SLC35F1: variants seen among roughly 807,000 people sequenced by gnomAD.
SLC35F1 encodes chromosome 6 open reading frame 169.
In SLC35F1, 14 loss-of-function variants were observed where a neutral mutation model predicts 48.7. The observed-to-expected ratio is 0.29, with a 90% CI of 0.19 to 0.45. The LOEUF is 0.45. Among genes scored for constraint, SLC35F1 ranks in the 20% least tolerant of loss-of-function variants. The pLI is 1.00. For synonymous variants in SLC35F1, 190 were observed against 202.2 expected (o/e 0.94, Z 0.51); for missense variants, 404 against 500.0 (o/e 0.81, Z 1.83).
At chr6:118,191,189 G>A (rs1028505355) in intron 2 of SLC35F1, among the ~76,000 whole-genome samples, 2 of 152,026 alleles carry the variant, frequency 1.3e-5, no homozygotes, top group Admixed American at 1.3e-4. Context: ...CTGATTATGC[G>A]GCGACATATG....
chr6:117,959,925 A>G (rs118175565), intron 1 of SLC35F1, among the ~76,000 whole-genome samples: 117 of 152,258 alleles, frequency 7.7e-4, no homozygotes, highest in Non-Finnish European at 1.4e-3. Flanking sequence ...TGAAGTCATG[A>G]GAGATTTATT....
chr6:118,193,105 T>A lies in SLC35F1; in HGVS notation c.349+38485T>A, dbSNP rs2076729371. 1.3e-5 allele frequency among the ~76,000 whole-genome samples: 2 copies of A among 152,186 alleles called. 1 individual carries two copies. The highest frequency in any genetic ancestry group is 4.1e-4 in the South Asian group (2 of 4,832). On this transcript the variant is annotated intron_variant, in intron 2 of 7. Coordinates refer to ENST00000360388, the MANE Select transcript of SLC35F1 (RefSeq NM_001029858.4). ...TTTATTCGAAAGGTAAACAAAAATC[T>A]TTCATTATCTTTTAATATTACATGA...
intron 1 of SLC35F1, among the ~76,000 whole-genome samples, chr6:118,142,775 G>A (rs560365962): frequency 1.3e-5 from 2 of 152,234 alleles, no homozygotes; most frequent in African/African-American, 4.8e-5. Context: ...CAAAAGTGCT[G>A]AGATAAAATT....
chr6:118,305,469 A>T (rs567977130), intron 7 of SLC35F1, among the ~76,000 whole-genome samples: 1 of 152,120 alleles, frequency 6.6e-6, no homozygotes, highest in Non-Finnish European at 1.5e-5. Context: ...TCCCTTTTCA[A>T]CTTGGCATCA....
chr6:118,305,907 C>T (rs1776306671), intron 7 of SLC35F1, among the ~76,000 whole-genome samples: 1 of 152,120 alleles, frequency 6.6e-6, no homozygotes, highest in Non-Finnish European at 1.5e-5. Context: ...CGTGGAGTGA[C>T]TCTAAACCTT....
chr6:118,063,368 T>C (rs1210413933), intron 1 of SLC35F1, among the ~76,000 whole-genome samples: 1 of 152,098 alleles, frequency 6.6e-6, no homozygotes, highest in Non-Finnish European at 1.5e-5. Flanking sequence ...TCAAGACTCA[T>C]CTCTGTGAAT....
intron 1 of SLC35F1, among the ~76,000 whole-genome samples, chr6:118,035,261 T>G (rs1398178968): frequency 6.6e-6 from 1 of 152,124 alleles, no homozygotes; most frequent in Non-Finnish European, 1.5e-5. Flanking sequence ...AGTTCTCCTT[T>G]TCCTTAATCA....
intron 1 of SLC35F1, among the ~76,000 whole-genome samples, chr6:118,048,685 T>C (rs1772337261): frequency 1.3e-5 from 2 of 152,064 alleles, no homozygotes; most frequent in South Asian, 4.2e-4. Context: ...CAAGGAGAAC[T>C]ACAAAGCACT....
intron 3 of SLC35F1, among the ~76,000 whole-genome samples, chr6:118,239,436 T>C (rs1775408022): frequency 6.6e-6 from 1 of 151,638 alleles, no homozygotes; most frequent in Admixed American, 6.6e-5. Context: ...AGTCAAAATG[T>C]ATTAATGGAC....
At chr6:118,034,996 C>A (rs888293960) in intron 1 of SLC35F1, among the ~76,000 whole-genome samples, 8 of 152,256 alleles carry the variant, frequency 5.3e-5, no homozygotes, top group African/African-American at 1.9e-4. Context: ...AATTTACTGG[C>A]AAAACCACCT....
rs191751029 is a variant in SLC35F1, at chr6:118,172,067, A to G, written c.349+17447A>G. Among the ~76,000 whole-genome samples, 1,342 of 152,278 alleles carry G rather than the reference A, an allele frequency of 8.8e-3. 10 individuals are homozygous for G. Among genetic ancestry groups the G allele is most frequent in the Non-Finnish European group, 0.016 (1,094 of 68,022 alleles). ...TTTATTGCTGTAAACACAGCTTGTG[A>G]TCACATAAATGACGTCAGTAATAAT... On this transcript the variant is annotated intron_variant, in intron 2 of 7. Coordinates refer to ENST00000360388, the MANE Select transcript of SLC35F1 (RefSeq NM_001029858.4).
intron 1 of SLC35F1, among the ~76,000 whole-genome samples, chr6:118,122,012 T>G (rs948756305): frequency 1.3e-5 from 2 of 152,090 alleles, no homozygotes; most frequent in African/African-American, 4.8e-5. Flanking sequence ...AGTTATATAT[T>G]TTTTAATTTA....
At chr6:118,197,782 A>G (rs2114531486) in intron 2 of SLC35F1, among the ~76,000 whole-genome samples, 1 of 152,282 alleles carries the variant, frequency 6.6e-6, no homozygotes, top group South Asian at 2.1e-4. Context: ...AGAAAGCAGA[A>G]AAATCACTGC....
chr6:118,260,203 T>C (rs1482608185), intron 3 of SLC35F1, among the ~76,000 whole-genome samples: 1 of 152,108 alleles, frequency 6.6e-6, no homozygotes, highest in Non-Finnish European at 1.5e-5. Flanking sequence ...AGATTCATGT[T>C]TGCCAGGAGC....
intron 2 of SLC35F1, among the ~76,000 whole-genome samples, chr6:118,163,239 C>T (rs772610704): frequency 6.6e-6 from 1 of 152,118 alleles, no homozygotes; most frequent in Non-Finnish European, 1.5e-5. Context: ...GCTGGGATTA[C>T]AGACCTGAGC....
At chr6:118,271,376 C>T (rs576040072) in intron 4 of SLC35F1, among the ~76,000 whole-genome samples, 58 of 152,238 alleles carry the variant, frequency 3.8e-4, no homozygotes, top group African/African-American at 1.3e-3. Flanking sequence ...AATGTAAAGA[C>T]GTTTTATCAT....
intron 1 of SLC35F1, among the ~76,000 whole-genome samples, chr6:118,051,691 A>G (rs571095904): frequency 1.6e-3 from 249 of 152,300 alleles, no homozygotes; most frequent in Non-Finnish European, 2.9e-3. Flanking sequence ...AAATATTAGT[A>G]GGAACTCAGA....
At chr6:118,214,191 A>G (rs543875023) in intron 2 of SLC35F1, among the ~76,000 whole-genome samples, 47 of 152,334 alleles carry the variant, frequency 3.1e-4, no homozygotes, top group African/African-American at 1.1e-3. Flanking sequence ...AGCAACAAAA[A>G]TGTATTTAAA....
chr6:118,005,502 G>A (rs773300942), intron 1 of SLC35F1, among the ~76,000 whole-genome samples: 1 of 151,836 alleles, frequency 6.6e-6, no homozygotes, highest in East Asian at 1.9e-4. Context: ...ATTCTTCCTA[G>A]TCTTATGATT....
Sources: gnomAD v4.1 joint callset for allele counts (sites outside exome capture counted in the v4.1 genomes callset) on GRCh38, gnomAD v4.1.1 for gene constraint, MANE v1.5 for transcripts, NCBI Gene and HGNC (gene_info 2026-07-23, HGNC 2026-07-21) for gene names.